MYO5B: variants seen among roughly 807,000 people sequenced by gnomAD.
MYO5B encodes myosin VB, also known as unconventional myosin-Vb.
A neutral mutation model predicts 229.3 loss-of-function variants in MYO5B; 143 were observed. The ratio of observed to expected loss-of-function variants is 0.62; its 90% CI spans 0.54 to 0.72. MYO5B has a LOEUF of 0.72. Among genes scored for constraint, MYO5B ranks in the 30% least tolerant of loss-of-function variants. The probability of loss-of-function intolerance (pLI) is 0.00; values close to 1 mark genes in which losing one functional copy is unlikely to be tolerated. For synonymous variants in MYO5B, 918 were observed against 885.2 expected (o/e 1.04, Z -0.66); for missense variants, 2,321 against 2,331.0 (o/e 1.00, Z 0.09).
chr18:50,085,388 C>T lies in MYO5B; in HGVS notation c.28-30010G>A, dbSNP rs375546291. ...AGATACCATCTCACACCAGTTAGAA[C>T]GGCGAACATTAAAAAGTCAGGAAAC... On this transcript the variant is annotated intron_variant, in intron 1 of 39. Transcript: ENST00000285039. Among the ~76,000 whole-genome samples the T allele has an allele frequency of 2.5e-3, 386 of 151,810 alleles. 1 individual carries two copies. The highest frequency in any genetic ancestry group is 4.5e-3 in the African/African-American group (187 of 41,328).
At chr18:49,852,728 C>CCT (rs2024216578) in intron 31 of MYO5B, among the ~76,000 whole-genome samples, 2 of 152,226 alleles carry the variant, frequency 1.3e-5, no homozygotes, top group South Asian at 4.2e-4. Flanking sequence ...TCTCCCTCCC[C>CCT]CTCTGCCAGT....
chr18:50,160,603 C>T (rs1176216197), intron 1 of MYO5B, among the ~76,000 whole-genome samples: 1 of 152,104 alleles, frequency 6.6e-6, no homozygotes, highest in Non-Finnish European at 1.5e-5. Context: ...GGTCAGGTAG[C>T]CATATGTGAA....
chr18:49,953,289 C>T lies in MYO5B; in HGVS notation c.1723G>A (p.Glu575Lys). Residue 575 changes from glutamate to lysine, a missense_variant, in exon 14 of 40, where the codon GAG (glutamate) becomes AAG (lysine). By Grantham distance (56) the Glu-to-Lys change is moderately conservative (BLOSUM62 1). Around this residue, in one of 2 missense-constraint regions of MYO5B, gnomAD observed 2,113 missense variants for 2,044.7 expected, o/e 1.03. Transcript: ENST00000285039. ...CTGGCCTTCAGGATATTGATCTGCT[C>T]TTCATACACCGTGTCTCTGTTTTTC... is the stretch of plus-strand genomic sequence containing the variant. ...LEKNRDTVYE[E>K]QINILKASKF... 1 of 1,614,186 alleles carries T rather than the reference C, an allele frequency of 6.2e-7. No individual in the cohort carries two copies.
intron 1 of MYO5B, among the ~76,000 whole-genome samples, chr18:50,119,451 T>C (rs544312000): frequency 1.3e-5 from 2 of 152,238 alleles, no homozygotes; most frequent in Admixed American, 1.3e-4. Context: ...TTGCTGTCAC[T>C]GCAAACAGAG....
chr18:49,852,937 A>C (rs964639187), intron 31 of MYO5B, among the ~76,000 whole-genome samples: 3 of 152,178 alleles, frequency 2.0e-5, no homozygotes. Context: ...GCAAGCTCTC[A>C]TAAGACAGGG....
intron 8 of MYO5B, among the ~76,000 whole-genome samples, chr18:49,983,269 G>A (rs1465926793): frequency 6.6e-6 from 1 of 152,190 alleles, no homozygotes; most frequent in Non-Finnish European, 1.5e-5. Flanking sequence ...AGAACATGAA[G>A]ACAATTCCCT....
chr18:50,075,664 G>A (rs759503066), intron 1 of MYO5B, among the ~76,000 whole-genome samples: 19 of 152,178 alleles, frequency 1.2e-4, no homozygotes, highest in Non-Finnish European at 2.4e-4. Context: ...ACAGGCTTTA[G>A]GCTTCTAGAT....
chr18:50,107,915 T>C (rs1386947023), intron 1 of MYO5B, among the ~76,000 whole-genome samples: 3 of 152,154 alleles, frequency 2.0e-5, no homozygotes, highest in African/African-American at 7.2e-5. Context: ...TATCCTTTTT[T>C]GTTGTTGTTA....
chr18:50,075,710 A>G (rs2031063087), intron 1 of MYO5B, among the ~76,000 whole-genome samples: 1 of 152,230 alleles, frequency 6.6e-6, no homozygotes, highest in Non-Finnish European at 1.5e-5. Flanking sequence ...AAAGAAGAAC[A>G]CAGGGCAGGA....
chr18:49,951,158 T>C (rs1174144808), intron 14 of MYO5B, among the ~76,000 whole-genome samples: 2 of 152,154 alleles, frequency 1.3e-5, no homozygotes, highest in African/African-American at 4.8e-5. Context: ...TGACTCCAGG[T>C]GGAAGGGACT....
chr18:49,823,368 T>C lies in MYO5B; in HGVS notation c.*3103A>G, dbSNP rs919571460. 5.0e-4 allele frequency: 76 copies of C among 152,422 alleles called. No homozygotes were observed. The highest frequency in any genetic ancestry group is 1.8e-3 in the African/African-American group (73 of 41,608). 9.4% of individuals were successfully genotyped at this position (152,422 alleles called of 1,614,324 possible). On this transcript the variant is annotated 3_prime_UTR_variant, in exon 40 of 40. Transcript: ENST00000285039. The stretch of plus-strand genomic sequence containing the variant: ...CTTGCCCCATGCTGTCCCATTTTAG[T>C]GACCATTTAGTTATGCAGGCATTAT...
Position 49,902,842 on chromosome 18 carries a change from A to C in MYO5B, c.2572-9T>G, listed in dbSNP as rs1471811064. 3.1e-6 allele frequency: 5 copies of C among 1,598,866 alleles called. No homozygotes were observed. The Admixed American group carries it at 6.7e-5, about 21-fold the overall frequency. On this transcript the variant is annotated splice_polypyrimidine_tract_variant and intron_variant, in intron 20 of 39. Transcript: ENST00000285039. ...TTGTGCTCCATGAGGACCTGGCGGGAAACAAGGATACACATCTTGTGGGTT... is the reference window on the plus strand; with the variant it reads ...TTGTGCTCCATGAGGACCTGGCGGGCAACAAGGATACACATCTTGTGGGTT...
intron 1 of MYO5B, among the ~76,000 whole-genome samples, chr18:50,188,253 G>A (rs1370451621): frequency 2.6e-5 from 4 of 152,032 alleles, no homozygotes; most frequent in Non-Finnish European, 5.9e-5. Context: ...GCCTCCTCAT[G>A]CATTTCAAAT....
At chr18:49,873,797 A>G (rs937539870) in intron 26 of MYO5B, among the ~76,000 whole-genome samples, 1 of 152,238 alleles carries the variant, frequency 6.6e-6, no homozygotes, top group East Asian at 1.9e-4. Context: ...TGACTTTGCC[A>G]GGCTTGAGAA....
chr18:49,944,062 T>C (rs146297296), intron 14 of MYO5B, among the ~76,000 whole-genome samples: 36 of 152,224 alleles, frequency 2.4e-4, no homozygotes, highest in African/African-American at 7.7e-4. Context: ...CATGTAGGCC[T>C]CAGTTAAGAA....
intron 1 of MYO5B, among the ~76,000 whole-genome samples, chr18:50,150,867 G>A (rs1599059736): frequency 6.6e-6 from 1 of 152,176 alleles, no homozygotes; most frequent in Non-Finnish European, 1.5e-5. Context: ...TAGGGCAGTG[G>A]AAGCCACAAC....
At chr18:50,152,697 C>A (rs10502907) in intron 1 of MYO5B, among the ~76,000 whole-genome samples, 3 of 151,908 alleles carry the variant, frequency 2.0e-5, no homozygotes, top group African/African-American at 7.3e-5. Context: ...GCCTAATGTA[C>A]TTTATTATGA....
chr18:49,905,806 A>G (rs1345150431), intron 19 of MYO5B, among the ~76,000 whole-genome samples: 1 of 152,102 alleles, frequency 6.6e-6, no homozygotes, highest in Non-Finnish European at 1.5e-5. Flanking sequence ...GTAGTGCCTC[A>G]TCAGCCCAGT....
chr18:50,099,784 T>C (rs2031621017), intron 1 of MYO5B, among the ~76,000 whole-genome samples: 2 of 152,216 alleles, frequency 1.3e-5, no homozygotes, highest in Non-Finnish European at 2.9e-5. Flanking sequence ...TGTACTTATG[T>C]TCCCCCTGTA....
Sources: allele counts gnomAD v4.1 joint callset (sites outside exome capture counted in the v4.1 genomes callset), GRCh38; gene constraint gnomAD v4.1.1; regional missense constraint gnomAD v4.1.1; transcripts MANE v1.5; gene names NCBI Gene and HGNC (gene_info 2026-07-23, HGNC 2026-07-21).